Variants in SOBP observed in about 807,000 individuals in gnomAD.
SOBP encodes the protein sine oculis binding protein homolog, also known as sine oculis-binding protein homolog.
In SOBP, 4 loss-of-function variants were observed where a neutral mutation model predicts 53.6. The ratio of observed to expected loss-of-function variants is 0.07; its 90% CI spans 0.04 to 0.17. The LOEUF (loss-of-function observed/expected upper bound fraction) is 0.17, where lower values mean the gene tolerates loss of function less well. SOBP is among the 10% of genes least tolerant of loss of function. The pLI, the probability that SOBP is intolerant of heterozygous loss-of-function variation, is 1.00. For missense variants in SOBP, 1,088 were observed against 1,204.7 expected (o/e 0.90, Z 1.43); for synonymous variants, 584 against 522.6 (o/e 1.12, Z -1.60).
chr6:107,608,422 C>A (rs1309278872), intron 5 of SOBP, among the ~76,000 whole-genome samples: 1 of 151,932 alleles, frequency 6.6e-6, no homozygotes, highest in Non-Finnish European at 1.5e-5. Context: ...GAGATGATGT[C>A]TTTTATAGTT....
At chr6:107,562,244 C>T (rs1375597361) in intron 4 of SOBP, among the ~76,000 whole-genome samples, 6 of 151,984 alleles carry the variant, frequency 3.9e-5, no homozygotes, top group Non-Finnish European at 7.4e-5. Flanking sequence ...GTCTTAAACT[C>T]CTAATCTCAA....
At chr6:107,591,857 A>G (rs1172665573) in intron 5 of SOBP, among the ~76,000 whole-genome samples, 5 of 151,718 alleles carry the variant, frequency 3.3e-5, no homozygotes, top group South Asian at 2.1e-4. Context: ...ACAATTATCA[A>G]CTCAGGACTA....
At chr6:107,520,607 C>A (rs1783455149) in intron 3 of SOBP, among the ~76,000 whole-genome samples, 1 of 152,168 alleles carries the variant, frequency 6.6e-6, no homozygotes, top group Non-Finnish European at 1.5e-5. Flanking sequence ...TGTCCCAGGT[C>A]AACAAGGAGC....
chr6:107,498,817 T>C (rs1782763009), intron 1 of SOBP, among the ~76,000 whole-genome samples: 1 of 152,182 alleles, frequency 6.6e-6, no homozygotes, highest in African/African-American at 2.4e-5. Context: ...GCTTTCAGAC[T>C]AAATGTTAGG....
chr6:107,509,766 C>CTTAG (rs1220625473), intron 3 of SOBP: 2 of 152,156 alleles, frequency 1.3e-5, no homozygotes, highest in African/African-American at 4.8e-5. Context: ...CCTTGAAAGT[C>CTTAG]TTAGATGTAG....
intron 5 of SOBP, among the ~76,000 whole-genome samples, chr6:107,606,833 A>G (rs543971877): frequency 1.3e-5 from 2 of 152,308 alleles, no homozygotes; most frequent in East Asian, 3.9e-4. Flanking sequence ...AGAGGTAGCC[A>G]GGGGCAATCC....
chr6:107,493,584 C>G (rs1782630697), intron 1 of SOBP, among the ~76,000 whole-genome samples: 2 of 152,162 alleles, frequency 1.3e-5, no homozygotes, highest in Non-Finnish European at 2.9e-5. Flanking sequence ...TGAGTTGCTT[C>G]TCTGTGAGCT....
chr6:107,519,077 A>C lies in SOBP; in HGVS notation c.421+12650A>C, dbSNP rs537756496. On this transcript the variant is annotated intron_variant, in intron 3 of 6. Coordinates refer to ENST00000317357, the MANE Select transcript of SOBP (RefSeq NM_018013.4). Reference sequence around the variant, plus strand: ...GATATACCCCTCTGTGGTCTACTTGAGAGCTGCATTTGATATGGTGTAAAG... The same window carrying C: ...GATATACCCCTCTGTGGTCTACTTGCGAGCTGCATTTGATATGGTGTAAAG... Among the ~76,000 whole-genome samples, 345 of 149,744 alleles carry C rather than the reference A, an allele frequency of 2.3e-3. 4 individuals are homozygous for C. The highest frequency in any genetic ancestry group is 8.1e-3 in the African/African-American group (326 of 40,418).
At chr6:107,656,699 C>T (rs1399252123) in intron 6 of SOBP, among the ~76,000 whole-genome samples, 1 of 152,192 alleles carries the variant, frequency 6.6e-6, no homozygotes, top group Non-Finnish European at 1.5e-5. Context: ...TCCCAATGGG[C>T]ATTTGACCTC....
chr6:107,553,302 A>T (rs181479912), intron 4 of SOBP, among the ~76,000 whole-genome samples: 18 of 80,370 alleles, frequency 2.2e-4, no homozygotes, highest in African/African-American at 6.5e-4. Flanking sequence ...TTATTATTTT[A>T]TTTATTTATT....
intron 4 of SOBP, among the ~76,000 whole-genome samples, 199 bp from the exon 5 acceptor site, chr6:107,586,881 G>A (rs1785585760): frequency 6.6e-6 from 1 of 152,130 alleles, no homozygotes; most frequent in African/African-American, 2.4e-5. Flanking sequence ...GAATTTGCAT[G>A]TTCAAACTAA....
In SOBP at chr6:107,653,861, G is replaced by C. The variant is rs76316488; in HGVS notation, c.*4-4346G>C. On this transcript the variant is annotated intron_variant, in intron 6 of 6. Transcript: ENST00000317357. ...GGAAGTTTTATGGAATGCTAACAGT[G>C]AAAGTCTTAGGCCATAAAGGTCAAA... is the stretch of plus-strand genomic sequence containing the variant. Among the ~76,000 whole-genome samples the C allele has an allele frequency of 5.9e-3, 899 of 152,276 alleles. 4 individuals carry two copies. The highest frequency in any genetic ancestry group is 0.01 in the Middle Eastern group (3 of 294).
chr6:107,517,966 C>T (rs1194608740), intron 3 of SOBP, among the ~76,000 whole-genome samples: 14 of 152,048 alleles, frequency 9.2e-5, no homozygotes, highest in East Asian at 5.8e-4. Flanking sequence ...GCCTTGAATT[C>T]GCCATAGTGC....
At chr6:107,534,100 A>G (rs1056420624) in intron 4 of SOBP, among the ~76,000 whole-genome samples, 2 of 152,222 alleles carry the variant, frequency 1.3e-5, no homozygotes, top group African/African-American at 4.8e-5. Flanking sequence ...CTCTCTTGAC[A>G]TCTTATGTTA....
intron 1 of SOBP, among the ~76,000 whole-genome samples, chr6:107,501,566 A>G (rs1357234267): frequency 1.3e-5 from 2 of 152,208 alleles, no homozygotes; most frequent in Non-Finnish European, 2.9e-5. Context: ...GATGGCTTGC[A>G]TTTGGCTTTT....
intron 5 of SOBP, among the ~76,000 whole-genome samples, chr6:107,594,351 T>A (rs72945640): frequency 0.046 from 7,065 of 152,274 alleles, 182 homozygotes; most frequent in Middle Eastern, 0.068. Flanking sequence ...CATAGACTAC[T>A]ACTTGACCAA....
At position 107,635,570 on chromosome 6, in the gene SOBP, C is replaced by G. The variant is rs1771007466; in HGVS notation, c.*3+101C>G. ...GTTGTAATTATAGTCATGATTTTAC[C>G]GTGTGTGTTTTATATTGCACACGGT... On this transcript the variant is annotated intron_variant, in intron 6 of 6. Transcript: ENST00000317357. This position sits in a 1 kb window ranked among gnomAD's most constrained non-coding sequence, Gnocchi z 4.5. 1.1e-5 allele frequency: 16 copies of G among 1,517,726 alleles called. No individual in the cohort carries two copies. The highest frequency in any genetic ancestry group is 3.4e-5 in the South Asian group (3 of 87,908). The allele number at this position is 1,517,726 out of a possible 1,614,324, so 94.0% of individuals were successfully genotyped here. A position where few individuals can be genotyped will look rare whatever the true frequency, so the allele number is the denominator to read the frequency against.
At chr6:107,656,561 G>A (rs1459219213) in intron 6 of SOBP, among the ~76,000 whole-genome samples, 1 of 152,144 alleles carries the variant, frequency 6.6e-6, no homozygotes, top group Non-Finnish European at 1.5e-5. Flanking sequence ...GTGATTGGGG[G>A]AACTCAGGCA....
intron 1 of SOBP, among the ~76,000 whole-genome samples, chr6:107,491,768 T>C (rs1386665364): frequency 4.6e-5 from 7 of 152,230 alleles, no homozygotes; most frequent in Admixed American, 4.6e-4. Flanking sequence ...TCCTTAATAC[T>C]ACCAGGTGGC....
Sources: gnomAD v4.1 joint callset for allele counts (sites outside exome capture counted in the v4.1 genomes callset) on GRCh38, gnomAD v4.1.1 for gene constraint, Gnocchi (gnomAD v3.1) non-coding constraint, MANE v1.5 for transcripts, NCBI Gene and HGNC (gene_info 2026-07-23, HGNC 2026-07-21) for gene names.